The following KCNQ3 variants were observed in gnomAD, a reference collection of about 807,000 sequenced individuals.
KCNQ3 encodes the protein potassium voltage-gated channel subfamily KQT member 3.
A neutral mutation model predicts 92.5 loss-of-function variants in KCNQ3; 30 were observed. That is an observed-to-expected ratio of 0.32 (90% CI 0.24 to 0.44). KCNQ3 has a LOEUF of 0.44. KCNQ3 is among the 20% of genes least tolerant of loss of function. The pLI, the probability that KCNQ3 is intolerant of heterozygous loss-of-function variation, is 1.00. For synonymous variants in KCNQ3, 450 were observed against 468.8 expected, an observed-to-expected ratio of 0.96 and a Z score of 0.52; for missense variants, 913 against 1,140.3, an observed-to-expected ratio of 0.80 and a Z score of 2.87.
In KCNQ3 at chr8:132,480,134, G is replaced by A. The variant is rs1822514865; in HGVS notation, c.386+13C>T. The A allele has an allele frequency of 6.2e-7, 1 of 1,608,286 alleles. No individual in the cohort carries two copies. The highest frequency in any genetic ancestry group is 2.2e-5 in the East Asian group (1 of 44,608). On this transcript the variant is annotated intron_variant, in intron 1 of 14. Transcript: ENST00000388996. The stretch of plus-strand genomic sequence containing the variant: ...GCCGCCGCCGAGGGCGCCCCGAGCG[G>A]CCGGGTACTCACACCAACGCGTGGT...
chr8:132,161,650 A>C lies in KCNQ3; in HGVS notation c.1262+1818T>G, dbSNP rs1446306771. ...TCATCTCAAAAAAACAAAAAACAAA[A>C]AAGAAAAAGAAAAAGAAAAAAAAAA... is the stretch of plus-strand genomic sequence containing the variant. On this transcript the variant is annotated intron_variant, in intron 9 of 14. Coordinates refer to ENST00000388996, the MANE Select transcript of KCNQ3 (RefSeq NM_004519.4). Among the ~76,000 whole-genome samples, 4 of 152,008 alleles carry C rather than the reference A, an allele frequency of 2.6e-5. No individual in the cohort carries two copies. The East Asian group carries it at 7.7e-4, about 29-fold the overall frequency.
At chr8:132,311,056 C>T (rs550650801) in intron 1 of KCNQ3, among the ~76,000 whole-genome samples, 19 of 151,896 alleles carry the variant, frequency 1.3e-4, no homozygotes, top group African/African-American at 4.6e-4. Flanking sequence ...CTTGTCACAG[C>T]CTCCCCAGTA....
At chr8:132,212,326 C>T (rs186009567) in intron 1 of KCNQ3, among the ~76,000 whole-genome samples, 80 of 152,220 alleles carry the variant, frequency 5.3e-4, no homozygotes, top group Non-Finnish European at 1.0e-3. Context: ...CTTAAAGGAG[C>T]GGGCACCTGT....
chr8:132,342,340 G>A (rs532198166), intron 1 of KCNQ3, among the ~76,000 whole-genome samples: 32 of 149,198 alleles, frequency 2.1e-4, no homozygotes, highest in East Asian at 3.9e-4. Flanking sequence ...TTTAAGGCGC[G>A]TCATCCCCAT....
intron 4 of KCNQ3, 78 bp from the exon 5 acceptor site, chr8:132,175,686 G>T: frequency 1.4e-6 from 2 of 1,397,290 alleles, no homozygotes; most frequent in Non-Finnish European, 2.0e-6. Context: ...ACACACCAGA[G>T]TTAGAGTCCA....
chr8:132,415,937 G>A (rs1285149189), intron 1 of KCNQ3, among the ~76,000 whole-genome samples: 1 of 152,188 alleles, frequency 6.6e-6, no homozygotes, highest in African/African-American at 2.4e-5. Context: ...TCATGTGCAT[G>A]AGAGCCCATC....
At chr8:132,394,793 C>A (rs892138045) in intron 1 of KCNQ3, among the ~76,000 whole-genome samples, 2 of 152,214 alleles carry the variant, frequency 1.3e-5, no homozygotes, top group African/African-American at 2.4e-5. Context: ...TTAACCAGCA[C>A]CCAGCACTGA....
At chr8:132,219,198 G>C (rs935947863) in intron 1 of KCNQ3, among the ~76,000 whole-genome samples, 1 of 152,110 alleles carries the variant, frequency 6.6e-6, no homozygotes, top group African/African-American at 2.4e-5. Flanking sequence ...GGAATCCTTG[G>C]GGACCTTGAT....
At chr8:132,314,345 G>A (rs1386992295) in intron 1 of KCNQ3, among the ~76,000 whole-genome samples, 1 of 152,124 alleles carries the variant, frequency 6.6e-6, no homozygotes, top group Non-Finnish European at 1.5e-5. Flanking sequence ...GACAGACAAA[G>A]GAAAACTATG....
chr8:132,270,947 G>A (rs575536405), intron 1 of KCNQ3, among the ~76,000 whole-genome samples: 1 of 152,310 alleles, frequency 6.6e-6, no homozygotes, highest in South Asian at 2.1e-4. Flanking sequence ...AATTTGGGAA[G>A]TGCCAATCCA....
At chr8:132,472,123 G>A (rs1822311171) in intron 1 of KCNQ3, among the ~76,000 whole-genome samples, 1 of 152,062 alleles carries the variant, frequency 6.6e-6, no homozygotes, top group African/African-American at 2.4e-5. Flanking sequence ...GATGCTGATG[G>A]GGATTCTGAG....
chr8:132,146,752 C>CTAAT (rs1200673165), intron 9 of KCNQ3, among the ~76,000 whole-genome samples: 2 of 152,088 alleles, frequency 1.3e-5, no homozygotes, highest in African/African-American at 4.8e-5. Context: ...CCACACCTGG[C>CTAAT]TAATTTTTGT....
chr8:132,186,190 G>A lies in KCNQ3; in HGVS notation c.387-9C>T. 6.2e-7 allele frequency: 1 copy of A among 1,604,594 alleles called. No homozygotes were observed. The highest frequency in any genetic ancestry group is 8.5e-7 in the Non-Finnish European group (1 of 1,171,498). On this transcript the variant is annotated splice_polypyrimidine_tract_variant and intron_variant, in intron 1 of 14. Coordinates refer to ENST00000388996, the MANE Select transcript of KCNQ3 (RefSeq NM_004519.4). ...CCAGGACAATCAGGAACCTAGAGGG[G>A]AAGAAAGAAATGGACTAAGGAACCT...
chr8:132,396,873 T>C (rs888222561), intron 1 of KCNQ3, among the ~76,000 whole-genome samples: 2 of 151,994 alleles, frequency 1.3e-5, no homozygotes, highest in Non-Finnish European at 2.9e-5. Flanking sequence ...CCTAAGTAGT[T>C]GGAGGGATCT....
chr8:132,215,413 G>T (rs1813996126), intron 1 of KCNQ3, among the ~76,000 whole-genome samples: 1 of 152,156 alleles, frequency 6.6e-6, no homozygotes, highest in South Asian at 2.1e-4. Context: ...ATATGTAAGG[G>T]CAGTGCCATA....
Position 132,187,831 on chromosome 8 carries a change from ATTG to A in KCNQ3, c.387-1653_387-1651del, listed in dbSNP as rs1218393407. 2.1e-3 allele frequency among the ~76,000 whole-genome samples: 179 copies of A among 85,400 alleles called. 2 individuals carry two copies. Among genetic ancestry groups the A allele is most frequent in the Middle Eastern group, 6.9e-3 (1 of 144 alleles). 56.0% of individuals were successfully genotyped at this position (85,400 alleles called of 152,430 possible). The stretch of plus-strand genomic sequence containing the variant: ...GATGGTGGTGGTGGTGGTGGTGGTG[ATTG>A]TGGTGGTGGTGGTGGTAGTGATGGT... On this transcript the variant is annotated intron_variant, in intron 1 of 14. Coordinates refer to ENST00000388996, the MANE Select transcript of KCNQ3 (RefSeq NM_004519.4).
chr8:132,353,070 C>A (rs1200731205), intron 1 of KCNQ3, among the ~76,000 whole-genome samples: 5 of 152,078 alleles, frequency 3.3e-5, no homozygotes, highest in African/African-American at 1.2e-4. Flanking sequence ...ACTGAAAATA[C>A]AAAAAATGAG....
chr8:132,147,344 A>G (rs1825481760), intron 9 of KCNQ3, among the ~76,000 whole-genome samples: 1 of 23,942 alleles, frequency 4.2e-5, no homozygotes, highest in Admixed American at 3.1e-4. Flanking sequence ...TATAACCATC[A>G]TAAGCTATTT....
intron 1 of KCNQ3, among the ~76,000 whole-genome samples, chr8:132,276,757 C>T (rs1816345052): frequency 6.6e-6 from 1 of 152,170 alleles, no homozygotes; most frequent in Non-Finnish European, 1.5e-5. Context: ...AAGAACCAGG[C>T]AGAAGCAACT....
Sources: allele counts gnomAD v4.1 joint callset (sites outside exome capture counted in the v4.1 genomes callset), GRCh38; gene constraint gnomAD v4.1.1; transcripts MANE v1.5; gene names NCBI Gene and HGNC (gene_info 2026-07-23, HGNC 2026-07-21).